The following AFF3 variants were observed in gnomAD, a reference collection of about 807,000 sequenced individuals.
The protein encoded by AFF3 is AF4/FMR2 family member 3.
Under a neutral mutation model 129.7 loss-of-function variants are expected in AFF3, and 32 were observed. The ratio of observed to expected loss-of-function variants is 0.25; its 90% CI spans 0.19 to 0.33. The LOEUF (loss-of-function observed/expected upper bound fraction) is 0.33. Among genes scored for constraint, AFF3 ranks in the 10% least tolerant of loss-of-function variants. AFF3 has a pLI of 1.00. For synonymous variants in AFF3, 644 were observed against 635.4 expected (o/e 1.01, Z -0.20); for missense variants, 1,373 against 1,592.0 (o/e 0.86, Z 2.34).
chr2:99,552,114 G>A (rs76407124), intron 24 of AFF3, among the ~76,000 whole-genome samples: 15,025 of 152,244 alleles, frequency 0.099, 947 homozygotes, highest in East Asian at 0.14. Flanking sequence ...GGCCAAGCAC[G>A]GTGGCTCACA....
Position 99,977,394 on chromosome 2 carries a change from C to CT in AFF3, c.873+29237dup, listed in dbSNP as rs538738935. On this transcript the variant is annotated intron_variant, in intron 7 of 24. Transcript: ENST00000672756. ...GGCTGATTTCCAACGTGGCAGAGAA[C>CT]TCTGCTCCCTCACTGTACCACAGCC... is the stretch of plus-strand genomic sequence containing the variant. Among the ~76,000 whole-genome samples, 552 of 152,334 alleles carry CT rather than the reference C, an allele frequency of 3.6e-3. 2 individuals carry two copies. The highest frequency in any genetic ancestry group is 0.013 in the African/African-American group (527 of 41,576).
chr2:99,957,281 C>T (rs764739771), intron 7 of AFF3, among the ~76,000 whole-genome samples: 18 of 152,174 alleles, frequency 1.2e-4, no homozygotes, highest in Non-Finnish European at 1.9e-4. Flanking sequence ...GGTCATTCCC[C>T]TGTTATTGTT....
At chr2:100,128,607 C>G (rs554286174) in intron 2 of AFF3, among the ~76,000 whole-genome samples, 2 of 152,152 alleles carry the variant, frequency 1.3e-5, no homozygotes, top group Non-Finnish European at 2.9e-5. Context: ...GCTTTGAATG[C>G]GGAGAATTGC....
chr2:99,882,954 C>T (rs562653099), intron 7 of AFF3, among the ~76,000 whole-genome samples: 2 of 152,134 alleles, frequency 1.3e-5, no homozygotes, highest in Non-Finnish European at 2.9e-5. Flanking sequence ...ATGAAGTGAA[C>T]GTTACTTCTA....
chr2:99,608,828 A>ACAATGAAAAGTTTCATTGTATTTTAG (rs1233934285), intron 13 of AFF3, among the ~76,000 whole-genome samples: 5 of 152,218 alleles, frequency 3.3e-5, no homozygotes, highest in African/African-American at 1.2e-4. Flanking sequence ...AAAAGTTTTA[A>ACAATGAAAAGTTTCATTGTATTTTAG]CAATGAAAAG....
At chr2:99,641,399 C>G (rs1019461772) in intron 13 of AFF3, among the ~76,000 whole-genome samples, 8 of 152,070 alleles carry the variant, frequency 5.3e-5, no homozygotes, top group Non-Finnish European at 1.2e-4. Flanking sequence ...GAAATGAGGC[C>G]AGGTGTGGTG....
intron 8 of AFF3, among the ~76,000 whole-genome samples, chr2:99,782,675 G>C (rs930154003): frequency 6.6e-6 from 1 of 152,178 alleles, no homozygotes; most frequent in African/African-American, 2.4e-5. Flanking sequence ...CACTTTGACT[G>C]GTAATTAGGT....
intron 8 of AFF3, among the ~76,000 whole-genome samples, chr2:99,766,135 G>A (rs866510629): frequency 7.9e-5 from 12 of 152,216 alleles, no homozygotes; most frequent in African/African-American, 2.9e-4. Flanking sequence ...GTCCAGGCAG[G>A]TGGCTGAGCA....
At chr2:99,925,816 G>A (rs549142701) in intron 7 of AFF3, among the ~76,000 whole-genome samples, 3 of 152,320 alleles carry the variant, frequency 2.0e-5, no homozygotes, top group African/African-American at 7.2e-5. Context: ...GAGACATTCA[G>A]TGAATGTTCA....
Position 99,924,124 on chromosome 2 carries a change from C to T in AFF3, c.873+82508G>A, listed in dbSNP as rs946508882. ...CCCATGTTTATTGTAACATTCCTCC[C>T]CTGAGCTCACCTGCCCTGTCCTTTC... On this transcript the variant is annotated intron_variant, in intron 7 of 24. Coordinates refer to ENST00000672756, the MANE Select transcript of AFF3 (RefSeq NM_001386135.1). 1.1e-4 allele frequency among the ~76,000 whole-genome samples: 16 copies of T among 152,140 alleles called. 1 individual carries two copies. Among genetic ancestry groups the T allele is most frequent in the African/African-American group, 3.9e-4 (16 of 41,430 alleles).
intron 7 of AFF3, among the ~76,000 whole-genome samples, chr2:99,945,188 G>A (rs1453169209): frequency 6.6e-6 from 1 of 152,222 alleles, no homozygotes; most frequent in Non-Finnish European, 1.5e-5. Flanking sequence ...ACAGCCTTTA[G>A]CTGGTTGTGG....
chr2:99,860,567 C>CAAA (rs1486722673), intron 7 of AFF3, among the ~76,000 whole-genome samples: 2 of 150,134 alleles, frequency 1.3e-5, no homozygotes, highest in East Asian at 2.0e-4. Context: ...AAACAAAAAA[C>CAAA]AAACAAAAAA....
At chr2:99,782,602 G>T (rs10177312) in intron 8 of AFF3, among the ~76,000 whole-genome samples, 15,202 of 152,160 alleles carry the variant, frequency 0.1, 2,360 homozygotes, top group African/African-American at 0.33. Flanking sequence ...ATTTGCTCAA[G>T]TCCTTCTATG....
chr2:99,808,326 T>C (rs1686516316), intron 8 of AFF3, among the ~76,000 whole-genome samples: 1 of 152,162 alleles, frequency 6.6e-6, no homozygotes, highest in African/African-American at 2.4e-5. Flanking sequence ...CAAAGAAATA[T>C]TCTGGGATCC....
chr2:99,585,466 A>C (rs1468507235), intron 16 of AFF3, among the ~76,000 whole-genome samples: 2 of 152,192 alleles, frequency 1.3e-5, no homozygotes, highest in Non-Finnish European at 2.9e-5. Context: ...TTTTATATGC[A>C]TTGTGTCACC....
chr2:99,550,036 T>C lies in AFF3; in HGVS notation c.*1438A>G, dbSNP rs1018471531. 3.5e-5 allele frequency: 8 copies of C among 227,914 alleles called. No individual in the cohort carries two copies. The highest frequency in any genetic ancestry group is 1.1e-4 in the Admixed American group (2 of 17,570). The allele number at this position is 227,914 out of a possible 1,614,324, so 14.1% of individuals were successfully genotyped here. ...TTTTAACGTGTGGCAAGATAGACCC[T>C]CTTTTTCAGGAGTTATTTTCTTTTC... is the stretch of plus-strand genomic sequence containing the variant. On this transcript the variant is annotated 3_prime_UTR_variant, in exon 25 of 25. Transcript: ENST00000672756.
intron 1 of AFF3, among the ~76,000 whole-genome samples, chr2:100,138,556 A>G (rs561395620): frequency 1.3e-5 from 2 of 152,350 alleles, no homozygotes; most frequent in South Asian, 2.1e-4. Context: ...CCAGACTCCA[A>G]GAGGAAAATA....
At chr2:99,987,350 G>A (rs544168055) in intron 7 of AFF3, among the ~76,000 whole-genome samples, 1 of 152,284 alleles carries the variant, frequency 6.6e-6, no homozygotes, top group African/African-American at 2.4e-5. Flanking sequence ...CCACAGATGA[G>A]TGTTCAGCTC....
Position 99,593,698 on chromosome 2 carries a change from GC to G in AFF3, c.1962del (p.Leu655Ter). The G allele has an allele frequency of 6.2e-7, 1 of 1,607,680 alleles. No homozygotes were observed. On this transcript the variant is annotated frameshift_variant, in exon 15 of 25. Coordinates refer to ENST00000672756, the MANE Select transcript of AFF3 (RefSeq NM_001386135.1). LOFTEE classifies it high-confidence loss of function. ...SVTCEKRRTR[G>X]LSRIVPKSKE... ...TTGGATTTGGGGACGATCCTGCTTA[GC>G]CCCCGCGTGCGGCGCTTCTCGCAGG...
Sources: gnomAD v4.1 joint callset for allele counts (sites outside exome capture counted in the v4.1 genomes callset) on GRCh38, gnomAD v4.1.1 for gene constraint, MANE v1.5 for transcripts, NCBI Gene and HGNC (gene_info 2026-07-23, HGNC 2026-07-21) for gene names.